Variants in ABTB2 observed in about 807,000 individuals in gnomAD.
ABTB2 encodes the protein ankyrin repeat and BTB/POZ domain-containing protein 2.
In ABTB2, 56 loss-of-function variants were observed where a neutral mutation model predicts 104.1. The ratio of observed to expected loss-of-function variants is 0.54; its 90% CI spans 0.43 to 0.67. The LOEUF is 0.67. Ranked by LOEUF, ABTB2 falls within the 30% of genes least tolerant of loss-of-function variation. The pLI, the probability that ABTB2 is intolerant of heterozygous loss-of-function variation, is 0.00. For synonymous variants in ABTB2, 606 were observed against 608.2 expected (o/e 1.00, Z 0.05); for missense variants, 1,279 against 1,407.7 (o/e 0.91, Z 1.46).
intron 7 of ABTB2, among the ~76,000 whole-genome samples, chr11:34,165,698 A>G (rs921745752): frequency 2.1e-4 from 32 of 152,210 alleles, no homozygotes; most frequent in African/African-American, 5.8e-4. Flanking sequence ...GTTGCCCGCA[A>G]TCTATGGTAA....
At chr11:34,349,945 C>T (rs891553734) in intron 1 of ABTB2, among the ~76,000 whole-genome samples, 3 of 152,220 alleles carry the variant, frequency 2.0e-5, no homozygotes, top group African/African-American at 7.2e-5. Flanking sequence ...AGCCCCACCC[C>T]GTGCTGTGCT....
intron 1 of ABTB2, among the ~76,000 whole-genome samples, chr11:34,246,940 C>T (rs553095808): frequency 1.1e-4 from 16 of 151,006 alleles, no homozygotes; most frequent in Admixed American, 7.3e-4. Context: ...CTCTGTCTTC[C>T]GGGTTCAAGC....
At chr11:34,199,443 T>G (rs1565138962) in intron 2 of ABTB2, among the ~76,000 whole-genome samples, 1 of 152,222 alleles carries the variant, frequency 6.6e-6, no homozygotes, top group Non-Finnish European at 1.5e-5. Context: ...TCCATCCCTG[T>G]GACCCTGATT....
At chr11:34,335,204 A>G in intron 1 of ABTB2, 2 of 1,266,498 alleles carry the variant, frequency 1.6e-6, no homozygotes, top group Admixed American at 1.7e-5. Flanking sequence ...CCCAGAGACT[A>G]TGACGAATCA....
intron 1 of ABTB2, among the ~76,000 whole-genome samples, chr11:34,222,872 A>G (rs1043664422): frequency 6.6e-6 from 1 of 152,118 alleles, no homozygotes; most frequent in African/African-American, 2.4e-5. Context: ...AAGTCTCCCC[A>G]GTTTCTGGGG....
chr11:34,173,205 C>T lies in ABTB2; in HGVS notation c.1347G>A (p.Gln449=), dbSNP rs753689152. ...GACCAGGCAGCAGCAGCCGGGCTGC[C>T]TGCCGGATGTCGCCGCTGTCCACGG... The part of the protein sequence containing the change: ...SLTVDSGDIR[Q]AARLLLPGLD... Residue 449 remains glutamine (Q), a synonymous_variant, in exon 4 of 17, where the codon CAG becomes CAA. Transcript: ENST00000435224. The T allele has an allele frequency of 6.2e-7, 1 of 1,613,750 alleles. No individual in the cohort carries two copies. Among genetic ancestry groups the T allele is most frequent in the South Asian group, 1.1e-5 (1 of 91,056 alleles).
At chr11:34,271,645 G>A (rs1854314916) in intron 1 of ABTB2, among the ~76,000 whole-genome samples, 1 of 152,134 alleles carries the variant, frequency 6.6e-6, no homozygotes, top group Admixed American at 6.6e-5. Flanking sequence ...GAGGTAGGAG[G>A]ATTGCTTGGG....
intron 5 of ABTB2, among the ~76,000 whole-genome samples, chr11:34,168,838 C>A (rs374028707): frequency 1.6e-4 from 25 of 152,372 alleles, no homozygotes; most frequent in South Asian, 1.2e-3. Flanking sequence ...GCTGGGAATC[C>A]TCCTCTGTGG....
intron 1 of ABTB2, among the ~76,000 whole-genome samples, chr11:34,308,776 C>T (rs1854809113): frequency 6.9e-6 from 1 of 144,330 alleles, no homozygotes; most frequent in Admixed American, 7.4e-5. Flanking sequence ...GAGGTTAAGG[C>T]AGGAGAATTG....
At chr11:34,168,117 C>T (rs572611971) in intron 5 of ABTB2, 125 bp from the exon 6 acceptor site, 3 of 945,082 alleles carry the variant, frequency 3.2e-6, no homozygotes, top group East Asian at 5.3e-5. Flanking sequence ...ATCCTGTGGT[C>T]CCCCAGGCTC....
Position 34,357,454 on chromosome 11 carries a change from A to G in ABTB2, c.130T>C (p.Ser44Pro). 2 of 1,548,062 alleles carry G rather than the reference A, an allele frequency of 1.3e-6. No homozygotes were observed. Among genetic ancestry groups the G allele is most frequent in the South Asian group, 1.2e-5 (1 of 84,042 alleles). ...GCCCCGCGGTGCTGCTGCGCCGAAG[A>G]GTTGAGCGCCTGCGAGTTGGACTTG... ...SSKSNSQALNSSAQQHRGAAW... is the reference protein window; with the variant it reads ...SSKSNSQALNPSAQQHRGAAW... Residue 44 changes from serine to proline, a missense_variant, in exon 1 of 17, where the codon TCT becomes CCT. Transcript: ENST00000435224.
At chr11:34,244,078 C>G (rs1461403366) in intron 1 of ABTB2, among the ~76,000 whole-genome samples, 1 of 152,136 alleles carries the variant, frequency 6.6e-6, no homozygotes, top group Admixed American at 6.5e-5. Flanking sequence ...CTGTGCTAGC[C>G]CTGGAGATAG....
intron 3 of ABTB2, among the ~76,000 whole-genome samples, chr11:34,187,330 G>A (rs1451855071): frequency 6.6e-6 from 1 of 152,184 alleles, no homozygotes; most frequent in Non-Finnish European, 1.5e-5. Context: ...AAGAGTGACT[G>A]ATAGTTGGCT....
intron 2 of ABTB2, among the ~76,000 whole-genome samples, chr11:34,202,428 G>A (rs1053167874): frequency 6.6e-6 from 1 of 151,898 alleles, no homozygotes; most frequent in Non-Finnish European, 1.5e-5. Context: ...GATCATATAT[G>A]GATCCTGGGC....
chr11:34,296,696 A>T (rs1422024259), intron 1 of ABTB2, among the ~76,000 whole-genome samples: 1 of 152,198 alleles, frequency 6.6e-6, no homozygotes, highest in Non-Finnish European at 1.5e-5. Context: ...ACACCACTGA[A>T]ATAAGGAGAG....
chr11:34,206,828 G>C (rs73489787), intron 1 of ABTB2, among the ~76,000 whole-genome samples: 8,312 of 152,098 alleles, frequency 0.055, 743 homozygotes, highest in African/African-American at 0.19. Flanking sequence ...AGGCCTCCCC[G>C]CTCTCCTCCT....
chr11:34,235,682 C>G (rs1033788420), intron 1 of ABTB2, among the ~76,000 whole-genome samples: 1 of 152,114 alleles, frequency 6.6e-6, no homozygotes, highest in Non-Finnish European at 1.5e-5. Flanking sequence ...CTCCTTCTGG[C>G]TTTTAAGCCA....
Position 34,159,971 on chromosome 11 carries a change from C to T in ABTB2, c.2541G>A (p.Val847=). The change falls in exon 13 of 17, where the codon GTG becomes GTA. Residue 847 remains valine, a synonymous_variant. Coordinates refer to ENST00000435224, the MANE Select transcript of ABTB2 (RefSeq NM_145804.3). ...HFLNNKEMSD[V]TFLVEGKLFY... ...ACAGCTTTCCTTCCACCAGGAAGGT[C>T]ACATCTGACATCTCCTTATTGTTCA... is the stretch of plus-strand genomic sequence containing the variant. 1 of 1,613,818 alleles carries T rather than the reference C, an allele frequency of 6.2e-7. No individual in the cohort carries two copies. The highest frequency in any genetic ancestry group is 8.5e-7 in the Non-Finnish European group (1 of 1,179,884).
chr11:34,346,472 C>A (rs1004933694), intron 1 of ABTB2, among the ~76,000 whole-genome samples: 1 of 152,130 alleles, frequency 6.6e-6, no homozygotes, highest in African/African-American at 2.4e-5. Flanking sequence ...GAAAGGGGCA[C>A]AGGAAAACCC....
Sources: gnomAD v4.1 joint callset for allele counts (sites outside exome capture counted in the v4.1 genomes callset) on GRCh38, gnomAD v4.1.1 for gene constraint, MANE v1.5 for transcripts, NCBI Gene and HGNC (gene_info 2026-07-23, HGNC 2026-07-21) for gene names.